SYNE2: variants seen among roughly 807,000 people sequenced by gnomAD.
SYNE2 encodes spectrin repeat containing nuclear envelope protein 2.
In SYNE2, 431 loss-of-function variants were observed where a neutral mutation model predicts 856.3. The observed-to-expected ratio is 0.50, with a 90% CI of 0.47 to 0.55. The LOEUF is 0.55. SYNE2 is among the 20% of genes least tolerant of loss of function. SYNE2 has a pLI of 0.00. For synonymous variants in SYNE2, 2,923 were observed against 2,872.3 expected (o/e 1.02, Z -0.56); for missense variants, 8,129 against 8,023.2 (o/e 1.01, Z -0.50).
intron 52 of SYNE2, among the ~76,000 whole-genome samples, chr14:64,071,322 G>A (rs77557247): frequency 0.035 from 5,325 of 151,842 alleles, 116 homozygotes; most frequent in Admixed American, 0.066. Flanking sequence ...GTGAAACCCC[G>A]TCTCTACTAA....
intron 40 of SYNE2, 28 bp downstream of exon 40, chr14:64,025,059 T>C (rs2096967134): frequency 4.3e-6 from 7 of 1,613,996 alleles, no homozygotes; most frequent in Non-Finnish European, 5.9e-6. Flanking sequence ...TGAAATACAT[T>C]ACCTGAGATT....
intron 70 of SYNE2, among the ~76,000 whole-genome samples, chr14:64,124,348 T>A (rs1244045319): frequency 6.6e-6 from 1 of 151,754 alleles, no homozygotes; most frequent in African/African-American, 2.4e-5. Flanking sequence ...TGCAGCACCA[T>A]GACCAGCTAC....
chr14:64,209,484 A>C lies in SYNE2; in HGVS notation c.18446A>C (p.Glu6149Ala). The C allele has an allele frequency of 6.2e-7, 1 of 1,614,206 alleles. No homozygotes were observed. The highest frequency in any genetic ancestry group is 8.5e-7 in the Non-Finnish European group (1 of 1,180,034). ...QKFLDDYSRF[E>A]DWLKSAERTA... ...TTTTTAGACGACTATTCTCGCTTTG[A>C]GGACTGGCTCAAGTCAGCTGAGAGG... The change falls in exon 102 of 116, where the codon GAG becomes GCG. Residue 6149 changes from glutamate to alanine, a missense_variant. This residue lies in a region of SYNE2 where 5,410 missense variants were observed against 5,284.8 expected (regional missense o/e 1.02). Coordinates refer to ENST00000555002, the MANE Select transcript of SYNE2 (RefSeq NM_182914.3).
intron 1 of SYNE2, among the ~76,000 whole-genome samples, chr14:63,784,631 A>G (rs1887445151): frequency 6.6e-6 from 1 of 151,928 alleles, no homozygotes; most frequent in South Asian, 2.1e-4. Context: ...AAGTGCTGGG[A>G]TTACAGGAAT....
At chr14:64,042,384 A>C (rs1453227991) in intron 45 of SYNE2, among the ~76,000 whole-genome samples, 1 of 152,234 alleles carries the variant, frequency 6.6e-6, no homozygotes, top group Admixed American at 6.5e-5. Context: ...GTTGGGCTTT[A>C]AATTATTTTC....
chr14:64,011,539 C>G (rs2096845242), intron 32 of SYNE2, among the ~76,000 whole-genome samples: 1 of 152,178 alleles, frequency 6.6e-6, no homozygotes, highest in South Asian at 2.1e-4. Flanking sequence ...AGTCTCCTAC[C>G]TTGTACTCTT....
At chr14:64,165,490 T>A in intron 90 of SYNE2, 80 bp downstream of exon 90, 1 of 1,479,386 alleles carries the variant, frequency 6.8e-7, no homozygotes, top group South Asian at 1.2e-5. Flanking sequence ...TGTGAACTTA[T>A]GGAATGCTTG....
intron 1 of SYNE2, among the ~76,000 whole-genome samples, chr14:63,868,722 A>AT (rs141575539): frequency 0.014 from 2,078 of 151,902 alleles, 39 homozygotes; most frequent in African/African-American, 0.048. Context: ...CTATGTGTGC[A>AT]TGTGTGCGTG....
intron 47 of SYNE2, among the ~76,000 whole-genome samples, chr14:64,050,314 G>A (rs756670243): frequency 7.9e-5 from 12 of 152,124 alleles, no homozygotes; most frequent in Non-Finnish European, 1.3e-4. Flanking sequence ...CTAACTCTTA[G>A]TGCTATTACA....
chr14:64,045,956 A>G (rs1490711102), intron 45 of SYNE2, among the ~76,000 whole-genome samples: 2 of 152,224 alleles, frequency 1.3e-5, no homozygotes, highest in South Asian at 4.1e-4. Flanking sequence ...TCTAGACAGT[A>G]TTTTTAAGAC....
intron 30 of SYNE2, among the ~76,000 whole-genome samples, 181 bp downstream of exon 30, chr14:64,003,511 C>G (rs1465216760): frequency 6.6e-6 from 1 of 152,132 alleles, no homozygotes; most frequent in African/African-American, 2.4e-5. Flanking sequence ...GGTATTGTAC[C>G]TGTACAAAAC....
chr14:63,917,872 T>C (rs1189656707), intron 2 of SYNE2, among the ~76,000 whole-genome samples: 2 of 152,060 alleles, frequency 1.3e-5, no homozygotes, highest in Non-Finnish European at 2.9e-5. Context: ...TTTTTTTTTT[T>C]AGCTTTTATA....
Position 64,024,310 on chromosome 14 carries a change from A to T in SYNE2, c.5691A>T (p.Val1897=), listed in dbSNP as rs2096960590. ...GTAAAATAAAGCAGGTGGACAGCGT[A>T]CTGAAGCATGTGAAGAAGCATCTGC... is the stretch of plus-strand genomic sequence containing the variant. ...RNSKIKQVDS[V]LKHVKKHLPK... Residue 1897 remains valine (V), a synonymous_variant, in exon 39 of 116, where the codon GTA becomes GTT. Transcript: ENST00000555002. 1 of 1,614,066 alleles carries T rather than the reference A, an allele frequency of 6.2e-7. No individual in the cohort carries two copies. Among genetic ancestry groups the T allele is most frequent in the African/African-American group, 1.3e-5 (1 of 74,938 alleles).
chr14:64,025,011 C>T lies in SYNE2; in HGVS notation c.5940C>T (p.Cys1980=). Reference sequence around the variant, plus strand: ...CAGGGGAGAAAACTGAGCTGTTCTGCCAAGCTTTAGCTAGAAAGAGGTATA... The same window carrying T: ...CAGGGGAGAAAACTGAGCTGTTCTGTCAAGCTTTAGCTAGAAAGAGGTATA... ...EEPGEKTELF[C]QALARKREQF... Residue 1980 remains cysteine, a synonymous_variant, in exon 40 of 116, where the codon TGC becomes TGT. Coordinates refer to ENST00000555002, the MANE Select transcript of SYNE2 (RefSeq NM_182914.3). 1.2e-6 allele frequency: 2 copies of T among 1,613,976 alleles called. No homozygotes were observed. Among genetic ancestry groups the T allele is most frequent in the East Asian group, 4.5e-5 (2 of 44,850 alleles).
At chr14:64,023,774 C>T in intron 38 of SYNE2, 2 of 204,480 alleles carry the variant, frequency 9.8e-6, no homozygotes, top group Non-Finnish European at 2.0e-5. Flanking sequence ...TGTTTAATTC[C>T]TTGCTTTGAT....
intron 1 of SYNE2, among the ~76,000 whole-genome samples, chr14:63,771,995 A>T (rs527679082): frequency 6.6e-6 from 1 of 152,248 alleles, no homozygotes; most frequent in Admixed American, 6.5e-5. Context: ...TGAGAACCTC[A>T]AAAATGCTAA....
chr14:63,849,541 G>A (rs1226934925), upstream of SYNE2, among the ~76,000 whole-genome samples: 1 of 152,058 alleles, frequency 6.6e-6, no homozygotes, highest in Non-Finnish European at 1.5e-5. Flanking sequence ...ATACTTCCTT[G>A]CCAAATCTAG....
At chr14:63,763,509 A>C (rs1414554335) in intron 1 of SYNE2, among the ~76,000 whole-genome samples, 1 of 151,916 alleles carries the variant, frequency 6.6e-6, no homozygotes, top group East Asian at 1.9e-4. Flanking sequence ...CAGGGGTTTG[A>C]GACTAGACAG....
At chr14:63,814,657 CTT>C (rs1175804909) in intron 1 of SYNE2, among the ~76,000 whole-genome samples, 18 of 78,286 alleles carry the variant, frequency 2.3e-4, no homozygotes, top group African/African-American at 7.2e-4. Flanking sequence ...ATATATAATC[CTT>C]ATATATATCC....
Sources: gnomAD v4.1 joint callset for allele counts (sites outside exome capture counted in the v4.1 genomes callset) on GRCh38, gnomAD v4.1.1 for gene constraint, gnomAD v4.1.1 regional missense constraint, MANE v1.5 for transcripts, NCBI Gene and HGNC (gene_info 2026-07-23, HGNC 2026-07-21) for gene names.